The following SEPTIN10 variants were observed in gnomAD, a reference collection of about 807,000 sequenced individuals.
The protein encoded by SEPTIN10 is septin 10, also known as septin-10.
In SEPTIN10, 66 loss-of-function variants were observed where a neutral mutation model predicts 54.8. The observed-to-expected ratio is 1.21, with a 90% confidence interval of 0.99 to 1.48. The LOEUF (loss-of-function observed/expected upper bound fraction) is 1.48, where lower values mean the gene tolerates loss of function less well. SEPTIN10 is among the 40% of genes most tolerant of loss of function. The pLI is 0.00. For synonymous variants in SEPTIN10, 161 were observed against 181.0 expected (o/e 0.89, Z 0.89); for missense variants, 620 against 545.6 (o/e 1.14, Z -1.36).
At chr2:109,580,153 A>T (rs1252158879) in intron 4 of SEPTIN10, among the ~76,000 whole-genome samples, 1 of 151,674 alleles carries the variant, frequency 6.6e-6, no homozygotes, top group Non-Finnish European at 1.5e-5. Context: ...AATACAGGCT[A>T]AAAAAACTTC....
In SEPTIN10 at chr2:109,593,048, C is replaced by CA; in HGVS notation, c.99+2dup. Reference sequence around the variant, plus strand: ...ATGGTATCTATTTAAAAGACATACTCACTATCTGTTCATCATCTGATCCTT... The same window carrying CA: ...ATGGTATCTATTTAAAAGACATACTCAACTATCTGTTCATCATCTGATCCTT... On this transcript the variant is annotated splice_region_variant and intron_variant, in intron 2 of 10. Transcript: ENST00000397712. The CA allele has an allele frequency of 5.1e-6, 8 of 1,577,634 alleles. No homozygotes were observed. Among genetic ancestry groups the CA allele is most frequent in the Non-Finnish European group, 6.0e-6 (7 of 1,162,676 alleles).
intron 1 of SEPTIN10, among the ~76,000 whole-genome samples, chr2:109,606,829 A>G (rs900788739): frequency 1.3e-5 from 2 of 151,832 alleles, no homozygotes; most frequent in African/African-American, 4.8e-5. Context: ...ACAGGCACGC[A>G]CCACTAGGCA....
At chr2:109,570,353 T>C (rs1357874251) in intron 5 of SEPTIN10, among the ~76,000 whole-genome samples, 1 of 152,210 alleles carries the variant, frequency 6.6e-6, no homozygotes, top group African/African-American at 2.4e-5. Context: ...TGCTCATTAA[T>C]GTCTTTACAG....
At chr2:109,600,885 AGTTTATT>A (rs776727554) in intron 1 of SEPTIN10, among the ~76,000 whole-genome samples, 11 of 152,194 alleles carry the variant, frequency 7.2e-5, no homozygotes, top group African/African-American at 1.4e-4. Context: ...TCCATTTACC[AGTTTATT>A]ACAAAGAATA....
At chr2:109,552,205 C>T (rs1002326397) in intron 9 of SEPTIN10, among the ~76,000 whole-genome samples, 5 of 152,244 alleles carry the variant, frequency 3.3e-5, no homozygotes, top group East Asian at 1.9e-4. Flanking sequence ...TCCCCTGGTC[C>T]GTGGAAAAAC....
In SEPTIN10 at chr2:109,542,840, T is replaced by A. The variant is rs1023681360; in HGVS notation, c.*1469A>T. The A allele has an allele frequency of 6.6e-6, 1 of 152,408 alleles. No individual in the cohort carries two copies. The highest frequency in any genetic ancestry group is 6.5e-5 in the Admixed American group (1 of 15,288). 9.4% of individuals were successfully genotyped at this position (152,408 alleles called of 1,614,324 possible). A position where few individuals can be genotyped will look rare whatever the true frequency, so the allele number is the denominator to read the frequency against. On this transcript the variant is annotated 3_prime_UTR_variant, in exon 11 of 11. Coordinates refer to ENST00000397712, the MANE Select transcript of SEPTIN10 (RefSeq NM_144710.5). Reference sequence around the variant, plus strand: ...TTTATTTACAACTTAGATGACTCTATGATTGCTCAGAATCTGACACAGACT... The same window carrying A: ...TTTATTTACAACTTAGATGACTCTAAGATTGCTCAGAATCTGACACAGACT...
intron 1 of SEPTIN10, among the ~76,000 whole-genome samples, chr2:109,598,230 G>A (rs1470598861): frequency 6.6e-6 from 1 of 151,758 alleles, no homozygotes; most frequent in Non-Finnish European, 1.5e-5. Context: ...ACCACACCTG[G>A]CTAACTTTTG....
intron 4 of SEPTIN10, among the ~76,000 whole-genome samples, chr2:109,581,186 T>C (rs1157929329): frequency 3.9e-5 from 6 of 152,164 alleles, no homozygotes; most frequent in African/African-American, 1.4e-4. Flanking sequence ...ACGCCTGTAA[T>C]CCCAGCACTT....
intron 1 of SEPTIN10, 35 bp from the exon 2 acceptor site, chr2:109,593,154 G>C (rs1270060024): frequency 1.4e-6 from 2 of 1,431,874 alleles, no homozygotes; most frequent in Admixed American, 3.8e-5. Flanking sequence ...AAAGGAAACA[G>C]AAACATTACT....
At chr2:109,546,956 G>A (rs1681413620) in intron 9 of SEPTIN10, among the ~76,000 whole-genome samples, 1 of 152,206 alleles carries the variant, frequency 6.6e-6, no homozygotes, top group South Asian at 2.1e-4. Context: ...CTGTTGAGCT[G>A]AGGGCAACTA....
In SEPTIN10 at chr2:109,584,122, G is replaced by A. The variant is rs192516168; in HGVS notation, c.413+1004C>T. Among the ~76,000 whole-genome samples, 37 of 152,184 alleles carry A rather than the reference G, an allele frequency of 2.4e-4. 2 individuals are homozygous for A. In the East Asian group the frequency reaches 7.1e-3, roughly 29 times the overall value. ...ATACCCATGTAATAAACCTGCAAAT[G>A]TACCCCAAATCTAAACGAAAAATTG... On this transcript the variant is annotated intron_variant, in intron 4 of 10. Coordinates refer to ENST00000397712, the MANE Select transcript of SEPTIN10 (RefSeq NM_144710.5).
intron 4 of SEPTIN10, among the ~76,000 whole-genome samples, chr2:109,583,408 T>C (rs959990639): frequency 2.0e-5 from 3 of 152,136 alleles, no homozygotes; most frequent in Admixed American, 1.3e-4. Flanking sequence ...AACTCATCAT[T>C]AGAGAAATGC....
Position 109,543,936 on chromosome 2 carries a change from G to A in SEPTIN10, c.*373C>T. On this transcript the variant is annotated 3_prime_UTR_variant, in exon 11 of 11. Transcript: ENST00000397712. ...GTTTCACATCCACCTTATACATATA[G>A]CCTGAAAGTAATTTATACAAAAATT... The A allele has an allele frequency of 1.8e-6, 1 of 549,390 alleles. No homozygotes were observed. The highest frequency in any genetic ancestry group is 3.2e-6 in the Non-Finnish European group (1 of 312,510). 34.0% of individuals were successfully genotyped at this position (549,390 alleles called of 1,614,324 possible).
At chr2:109,564,112 G>T (rs1447441226) in intron 8 of SEPTIN10, 1 of 130,234 alleles carries the variant, frequency 7.7e-6, no homozygotes, top group East Asian at 1.3e-4. Context: ...AACTGAAACA[G>T]GGGGCCTCTG....
intron 1 of SEPTIN10, among the ~76,000 whole-genome samples, chr2:109,607,050 TCTAAAATGTCTAGC>T (rs1174342604): frequency 6.6e-6 from 1 of 152,226 alleles, no homozygotes; most frequent in Non-Finnish European, 1.5e-5. Context: ...ATTCTTCCTG[TCTAAAATGTCTAGC>T]CTGCTCTTCT....
At chr2:109,576,998 C>G (rs1211803519) in intron 4 of SEPTIN10, among the ~76,000 whole-genome samples, 1 of 151,994 alleles carries the variant, frequency 6.6e-6, no homozygotes, top group Non-Finnish European at 1.5e-5. Flanking sequence ...ATATCACAAG[C>G]AGGGTAAATT....
intron 5 of SEPTIN10, among the ~76,000 whole-genome samples, chr2:109,569,465 T>C (rs909533996): frequency 6.6e-6 from 1 of 150,994 alleles, no homozygotes; most frequent in African/African-American, 2.4e-5. Flanking sequence ...AGGAAAAAAT[T>C]ATAATTCCTA....
intron 1 of SEPTIN10, among the ~76,000 whole-genome samples, chr2:109,603,534 C>T (rs953419156): frequency 6.0e-5 from 9 of 150,344 alleles, no homozygotes; most frequent in African/African-American, 2.2e-4. Context: ...CCACCGCGCC[C>T]GGCCTCATAA....
chr2:109,561,185 T>C (rs1402567914), intron 8 of SEPTIN10, among the ~76,000 whole-genome samples: 1 of 152,174 alleles, frequency 6.6e-6, no homozygotes, highest in Non-Finnish European at 1.5e-5. Flanking sequence ...TGTACTGCAG[T>C]GAACTGATCT....
Sources: allele counts gnomAD v4.1 joint callset (sites outside exome capture counted in the v4.1 genomes callset), GRCh38; gene constraint gnomAD v4.1.1; transcripts MANE v1.5; gene names NCBI Gene and HGNC (gene_info 2026-07-23, HGNC 2026-07-21).